Variants in CPNE4 observed in about 807,000 individuals in gnomAD.
CPNE4 encodes the protein copine-4.
A neutral mutation model predicts 67.9 loss-of-function variants in CPNE4; 25 were observed. The observed-to-expected ratio is 0.37, with a 90% CI of 0.27 to 0.51. The LOEUF (loss-of-function observed/expected upper bound fraction) is 0.51, where lower values mean the gene tolerates loss of function less well. CPNE4 is among the 20% of genes least tolerant of loss of function. CPNE4 has a pLI of 0.93. For missense variants in CPNE4, 464 were observed against 690.8 expected (o/e 0.67, Z 3.68); for synonymous variants, 242 against 244.9 (o/e 0.99, Z 0.11).
At chr3:131,847,221 C>T (rs1028227801) in intron 2 of CPNE4, among the ~76,000 whole-genome samples, 1 of 152,286 alleles carries the variant, frequency 6.6e-6, no homozygotes, top group Admixed American at 6.5e-5. Context: ...GGTCCACTTG[C>T]TCATATGTGC....
intron 2 of CPNE4, among the ~76,000 whole-genome samples, chr3:131,775,623 A>G (rs2107842043): frequency 6.6e-6 from 1 of 152,194 alleles, no homozygotes; most frequent in African/African-American, 2.4e-5. Context: ...TCCCCGCACA[A>G]GTTCTCTTCT....
chr3:131,777,583 C>G (rs2083322396), intron 2 of CPNE4, among the ~76,000 whole-genome samples: 1 of 151,912 alleles, frequency 6.6e-6, no homozygotes, highest in Non-Finnish European at 1.5e-5. Flanking sequence ...TCTAGGGAGC[C>G]CTGTTCATCA....
intron 7 of CPNE4, among the ~76,000 whole-genome samples, chr3:131,645,145 T>C (rs2079633661): frequency 6.6e-6 from 1 of 152,228 alleles, no homozygotes; most frequent in Non-Finnish European, 1.5e-5. Context: ...TTATTGCCAC[T>C]ATCCATCTGT....
intron 1 of CPNE4, among the ~76,000 whole-genome samples, chr3:131,955,421 T>TGTTTTTTTTTTGTTTTTTTTTTG (rs1560674401): frequency 2.8e-4 from 37 of 132,310 alleles, no homozygotes; most frequent in African/African-American, 8.6e-4. Context: ...TTTTTTTTTT[T>TGTTTTTTTTTTGTTTTTTTTTTG]TTTTTTTTTT....
chr3:131,736,840 A>C (rs1226911538), intron 2 of CPNE4, among the ~76,000 whole-genome samples: 5 of 152,134 alleles, frequency 3.3e-5, no homozygotes, highest in Non-Finnish European at 7.4e-5. Context: ...CACACACCAC[A>C]AAGCTCTCCA....
chr3:131,756,377 A>G (rs2082750722), intron 2 of CPNE4, among the ~76,000 whole-genome samples: 1 of 152,220 alleles, frequency 6.6e-6, no homozygotes, highest in Non-Finnish European at 1.5e-5. Flanking sequence ...ATACCCATAT[A>G]GGAGTCTGCC....
At chr3:132,022,210 G>A (rs761286875) in intron 1 of CPNE4, among the ~76,000 whole-genome samples, 10 of 152,170 alleles carry the variant, frequency 6.6e-5, no homozygotes, top group South Asian at 2.1e-4. Context: ...TAAGGAACAA[G>A]GAGACCCACC....
chr3:131,959,681 T>C, intron 1 of CPNE4, among the ~76,000 whole-genome samples: 1 of 152,188 alleles, frequency 6.6e-6, no homozygotes, highest in East Asian at 1.9e-4. Flanking sequence ...CCCGTAACAC[T>C]GAAACACAAT....
At chr3:131,838,371 C>T (rs1426014494) in intron 2 of CPNE4, among the ~76,000 whole-genome samples, 1 of 150,866 alleles carries the variant, frequency 6.6e-6, no homozygotes, top group African/African-American at 2.4e-5. Flanking sequence ...ATTAGAGCAC[C>T]CAAGATAATG....
At chr3:131,978,901 T>C (rs1394468280) in intron 1 of CPNE4, among the ~76,000 whole-genome samples, 1 of 151,970 alleles carries the variant, frequency 6.6e-6, no homozygotes, top group Non-Finnish European at 1.5e-5. Context: ...ATTATTGTTG[T>C]TCAGTTTGAA....
rs2074031062 is a variant in CPNE4 at position 132,023,046 on chromosome 3, C to T, written c.-2+11521G>A. Among the ~76,000 whole-genome samples, 3 of 152,314 alleles carry T rather than the reference C, an allele frequency of 2.0e-5. No homozygotes were observed. The South Asian group carries it at 6.2e-4, about 32-fold the overall frequency. ...CAGCCAGAGCATCAAAGTGTCTGAA[C>T]AACCACGGACCATTACACACCAAGA... On this transcript the variant is annotated intron_variant, in intron 1 of 15. Transcript: ENST00000429747.
At chr3:131,790,400 GA>G (rs2083685509) in intron 2 of CPNE4, among the ~76,000 whole-genome samples, 1 of 152,018 alleles carries the variant, frequency 6.6e-6, no homozygotes, top group Non-Finnish European at 1.5e-5. Context: ...GGCCAATTGG[GA>G]CCTGTCTGGA....
In CPNE4 at chr3:131,697,263, G is replaced by C. The variant is rs558936533; in HGVS notation, c.433-647C>G. Among the ~76,000 whole-genome samples, 3 of 152,250 alleles carry C rather than the reference G, an allele frequency of 2.0e-5. No individual in the cohort carries two copies. The East Asian group carries it at 5.8e-4, about 29-fold the overall frequency. On this transcript the variant is annotated intron_variant, in intron 4 of 15. Transcript: ENST00000429747. ...GTTAGTGACTCTCAACAAAGCCTTG[G>C]AGCAGAAATTGGTGGAGAAAGTCAG...
At chr3:131,929,859 C>T (rs1369206328) in intron 1 of CPNE4, among the ~76,000 whole-genome samples, 1 of 152,132 alleles carries the variant, frequency 6.6e-6, no homozygotes, top group African/African-American at 2.4e-5. Flanking sequence ...GTATTGGCTG[C>T]CTGACAAGAT....
chr3:131,981,595 G>A (rs889601057), intron 1 of CPNE4, among the ~76,000 whole-genome samples: 4 of 152,120 alleles, frequency 2.6e-5, no homozygotes, highest in Non-Finnish European at 4.4e-5. Context: ...GCCCTCCCCC[G>A]AGTTCTGGCC....
intron 2 of CPNE4, among the ~76,000 whole-genome samples, chr3:131,871,626 T>C (rs535329374): frequency 6.6e-6 from 1 of 152,146 alleles, no homozygotes; most frequent in Non-Finnish European, 1.5e-5. Context: ...CAAAATAACA[T>C]ACCCTCATTT....
rs73874127 is a variant in CPNE4 at position 131,576,051 on chromosome 3, A to C, written c.868-921T>G. On this transcript the variant is annotated intron_variant, in intron 9 of 15. Transcript: ENST00000429747. ...AGGACTACAGTGATTAGAAAAACAC[A>C]TACAGTACTTACAGTCTGGATCCTT... is the stretch of plus-strand genomic sequence containing the variant. 9.4e-3 allele frequency among the ~76,000 whole-genome samples: 1,430 copies of C among 152,280 alleles called. 19 individuals are homozygous for C. The highest frequency in any genetic ancestry group is 0.054 in the East Asian group (281 of 5,168).
intron 7 of CPNE4, among the ~76,000 whole-genome samples, chr3:131,668,650 C>A (rs967845468): frequency 6.6e-6 from 1 of 152,122 alleles, no homozygotes; most frequent in African/African-American, 2.4e-5. Flanking sequence ...TTTATAGGCA[C>A]CAGTCTCCAG....
chr3:131,801,368 GTACCATATAT>G, intron 2 of CPNE4, among the ~76,000 whole-genome samples: 1 of 102,368 alleles, frequency 9.8e-6, no homozygotes, highest in Non-Finnish European at 2.1e-5. Flanking sequence ...ATATATATAT[GTACCATATAT>G]ATATATATGG....
Sources: gnomAD v4.1 joint callset for allele counts (sites outside exome capture counted in the v4.1 genomes callset) on GRCh38, gnomAD v4.1.1 for gene constraint, MANE v1.5 for transcripts, NCBI Gene and HGNC (gene_info 2026-07-23, HGNC 2026-07-21) for gene names.